ACSL1: variants seen among roughly 807,000 people sequenced by gnomAD.
ACSL1 encodes long-chain-fatty-acid--CoA ligase 1.
In ACSL1, 41 loss-of-function variants were observed where a neutral mutation model predicts 98.4. That is an observed-to-expected ratio of 0.42 (90% CI 0.32 to 0.54). The LOEUF is 0.54. ACSL1 is among the 20% of genes least tolerant of loss of function. The pLI, the probability that ACSL1 is intolerant of heterozygous loss-of-function variation, is 0.13. For synonymous variants in ACSL1, 316 were observed against 322.7 expected (o/e 0.98, Z 0.22); for missense variants, 734 against 883.1 (o/e 0.83, Z 2.14).
chr4:184,770,165 T>G, intron 11 of ACSL1: 1 of 1,205,580 alleles, frequency 8.3e-7, no homozygotes, highest in South Asian at 1.5e-5. Context: ...GAAAAAGAAT[T>G]TATATTCTTT....
intron 2 of ACSL1, among the ~76,000 whole-genome samples, chr4:184,797,479 G>C (rs888382181): frequency 3.3e-5 from 5 of 152,206 alleles, no homozygotes; most frequent in African/African-American, 7.2e-5. Flanking sequence ...AAGGATGCCA[G>C]TCCTTGTTGC....
intron 1 of ACSL1, among the ~76,000 whole-genome samples, chr4:184,806,061 C>A (rs889114236): frequency 1.3e-5 from 2 of 152,220 alleles, no homozygotes; most frequent in African/African-American, 2.4e-5. Context: ...CCCGTCACTG[C>A]ATATCTGAGC....
intron 2 of ACSL1, among the ~76,000 whole-genome samples, chr4:184,797,622 T>G (rs56851466): frequency 6.6e-6 from 1 of 152,324 alleles, no homozygotes; most frequent in Non-Finnish European, 1.5e-5. Context: ...CCTGGATATG[T>G]TGCCTTTAGT....
chr4:184,823,215 C>CA (rs1163310967), intron 1 of ACSL1, among the ~76,000 whole-genome samples: 1 of 152,218 alleles, frequency 6.6e-6, no homozygotes, highest in Non-Finnish European at 1.5e-5. Context: ...CACCGCCTGT[C>CA]AGAGAGGGAG....
chr4:184,782,264 T>TAAAAAA (rs33965361), intron 4 of ACSL1, among the ~76,000 whole-genome samples: 1 of 143,222 alleles, frequency 7.0e-6, no homozygotes, highest in Non-Finnish European at 1.5e-5. Flanking sequence ...CATACATTCT[T>TAAAAAA]AAAAAAAAAA....
At chr4:184,808,234 CA>C (rs1206391212) in intron 1 of ACSL1, 2 of 865,740 alleles carry the variant, frequency 2.3e-6, no homozygotes, top group African/African-American at 4.0e-5. Flanking sequence ...TACACATACA[CA>C]AACATACACA....
intron 2 of ACSL1, among the ~76,000 whole-genome samples, chr4:184,794,282 A>T (rs1393403047): frequency 6.6e-6 from 1 of 152,232 alleles, no homozygotes; most frequent in African/African-American, 2.4e-5. Context: ...AGCAGACTAC[A>T]TCTTTGATAT....
intron 2 of ACSL1, among the ~76,000 whole-genome samples, chr4:184,794,672 C>T (rs1162923711): frequency 6.6e-6 from 1 of 152,154 alleles, no homozygotes; most frequent in Admixed American, 6.5e-5. Context: ...AGCAGAGCTT[C>T]GAACCTAGCT....
intron 1 of ACSL1, among the ~76,000 whole-genome samples, chr4:184,810,386 A>G (rs1056251268): frequency 1.3e-5 from 2 of 152,232 alleles, no homozygotes; most frequent in African/African-American, 4.8e-5. Flanking sequence ...TTAACTAGGA[A>G]GGCTGAAGGA....
Position 184,757,997 on chromosome 4 carries a change from T to A in ACSL1, c.1783-77A>T. The A allele has an allele frequency of 7.3e-7, 1 of 1,378,608 alleles. No individual in the cohort carries two copies. The highest frequency in any genetic ancestry group is 2.3e-5 in the East Asian group (1 of 43,466). 85.4% of individuals were successfully genotyped at this position (1,378,608 alleles called of 1,614,324 possible). ...ATAGTGGTTCTTTATTTTTCCATCT[T>A]GTGGCCCCCTGGGAGAATATGATGA... is the stretch of plus-strand genomic sequence containing the variant. On this transcript the variant is annotated intron_variant, in intron 18 of 20. Transcript: ENST00000281455. The surrounding 1 kb of genome is among the most constrained non-coding windows in gnomAD (Gnocchi z 4.5).
chr4:184,790,979 A>G (rs1768245704), intron 2 of ACSL1, among the ~76,000 whole-genome samples: 1 of 152,220 alleles, frequency 6.6e-6, no homozygotes, highest in Non-Finnish European at 1.5e-5. Context: ...GGACAAAATG[A>G]GAGAAAACAG....
intron 11 of ACSL1, among the ~76,000 whole-genome samples, chr4:184,769,658 A>C (rs564204153): frequency 6.6e-6 from 1 of 152,348 alleles, no homozygotes; most frequent in Admixed American, 6.5e-5. Context: ...AGCAAATCCG[A>C]CAGGGCAGCT....
intron 2 of ACSL1, among the ~76,000 whole-genome samples, chr4:184,797,208 GC>G (rs1486989339): frequency 2.0e-5 from 3 of 152,156 alleles, no homozygotes; most frequent in African/African-American, 7.2e-5. Context: ...GTGTCTCGCC[GC>G]CCTTAGCGTT....
intron 3 of ACSL1, among the ~76,000 whole-genome samples, chr4:184,784,374 A>C (rs1476499926): frequency 6.6e-6 from 1 of 152,212 alleles, no homozygotes; most frequent in Non-Finnish European, 1.5e-5. Flanking sequence ...GGTATTCATC[A>C]AAACTTTTCA....
At chr4:184,759,848 A>G (rs1401654778) in intron 18 of ACSL1, among the ~76,000 whole-genome samples, 1 of 152,258 alleles carries the variant, frequency 6.6e-6, no homozygotes, top group Admixed American at 6.5e-5. Flanking sequence ...TCAGGAAACC[A>G]GATCCTCTCT....
intron 1 of ACSL1, among the ~76,000 whole-genome samples, chr4:184,822,843 A>G (rs1773173642): frequency 6.6e-6 from 1 of 152,194 alleles, no homozygotes; most frequent in Non-Finnish European, 1.5e-5. Context: ...ATACAACCCA[A>G]GGCTTGCCAC....
At chr4:184,818,852 A>G (rs1226739975) in intron 1 of ACSL1, among the ~76,000 whole-genome samples, 1 of 152,170 alleles carries the variant, frequency 6.6e-6, no homozygotes, top group East Asian at 1.9e-4. Flanking sequence ...AGGCCAGTGC[A>G]CCAAAACAGG....
Position 184,811,233 on chromosome 4 carries a change from G to C in ACSL1, c.-32-7687C>G, listed in dbSNP as rs146676580. On this transcript the variant is annotated intron_variant, in intron 1 of 20. Coordinates refer to ENST00000281455, the MANE Select transcript of ACSL1 (RefSeq NM_001995.5). ...ACGCCATTCTCCCACCTCAGCCTCC[G>C]GAGTAGCTGGAACTTCAGGCACCCG... Among the ~76,000 whole-genome samples the C allele has an allele frequency of 4.8e-3, 733 of 152,026 alleles. 5 individuals are homozygous for C. The highest frequency in any genetic ancestry group is 0.018 in the East Asian group (92 of 5,164).
intron 12 of ACSL1, 119 bp downstream of exon 12, chr4:184,768,197 G>T: frequency 9.0e-7 from 1 of 1,107,850 alleles, no homozygotes; most frequent in Non-Finnish European, 1.3e-6. Context: ...CTGAAGTTCT[G>T]TAAGATTGGG....
Sources: allele counts gnomAD v4.1 joint callset (sites outside exome capture counted in the v4.1 genomes callset), GRCh38; gene constraint gnomAD v4.1.1; non-coding constraint Gnocchi (gnomAD v3.1); transcripts MANE v1.5; gene names NCBI Gene and HGNC (gene_info 2026-07-23, HGNC 2026-07-21).